BRWD1: variants seen among roughly 807,000 people sequenced by gnomAD.
BRWD1 encodes the protein bromodomain and WD repeat domain containing 1.
A neutral mutation model predicts 251.2 loss-of-function variants in BRWD1; 82 were observed. The ratio of observed to expected loss-of-function variants is 0.33; its 90% CI spans 0.27 to 0.39. The LOEUF (loss-of-function observed/expected upper bound fraction) is 0.39, where lower values mean the gene tolerates loss of function less well. BRWD1 is among the 10% of genes least tolerant of loss of function. The pLI is 1.00. For missense variants in BRWD1, 2,233 were observed against 2,711.6 expected, an observed-to-expected ratio of 0.82 and a Z score of 3.92; for synonymous variants, 918 against 902.8, an observed-to-expected ratio of 1.02 and a Z score of -0.30.
intron 31 of BRWD1, chr21:39,216,679 C>T: frequency 2.4e-6 from 1 of 412,774 alleles, no homozygotes; most frequent in Non-Finnish European, 4.8e-6. Flanking sequence ...TTTCTTGGGA[C>T]CTACAATAAA....
chr21:39,286,074 G>A (rs1205772557), intron 8 of BRWD1, among the ~76,000 whole-genome samples: 1 of 142,438 alleles, frequency 7.0e-6, no homozygotes, highest in Non-Finnish European at 1.5e-5. Context: ...GAGTGCAGTG[G>A]TGCGATCTCG....
rs2031448557 is a variant in BRWD1 at position 39,189,766 on chromosome 21, A to G, written c.*6493T>C. 1 of 983,900 alleles carries G rather than the reference A, an allele frequency of 1.0e-6. No homozygotes were observed. The highest frequency in any genetic ancestry group is 1.2e-6 in the Non-Finnish European group (1 of 828,534). The allele number at this position is 983,900 out of a possible 1,614,324, so 60.9% of individuals were successfully genotyped here. ...AAGTGCTTTTTCTCAAGAAAACTAC[A>G]AACAGTTTTAGAAATATATATAGGA... is the stretch of plus-strand genomic sequence containing the variant. On this transcript the variant is annotated 3_prime_UTR_variant, in exon 41 of 41. Coordinates refer to ENST00000342449, the MANE Select transcript of BRWD1 (RefSeq NM_033656.4).
intron 25 of BRWD1, among the ~76,000 whole-genome samples, chr21:39,229,964 C>T (rs933525537): frequency 2.5e-4 from 38 of 152,168 alleles, no homozygotes; most frequent in Admixed American, 2.5e-3. Flanking sequence ...GTCTCGAACT[C>T]CTGGGCTCAA....
intron 15 of BRWD1, among the ~76,000 whole-genome samples, chr21:39,267,502 G>A (rs927183588): frequency 6.6e-6 from 1 of 152,202 alleles, no homozygotes; most frequent in African/African-American, 2.4e-5. Context: ...GAGAGGCTGA[G>A]GCGGGAGAAT....
At chr21:39,276,098 G>A (rs1388550393) in intron 12 of BRWD1, 75 bp downstream of exon 12, 54 of 1,220,816 alleles carry the variant, frequency 4.4e-5, no homozygotes, top group Non-Finnish European at 5.9e-5. Context: ...CAAAATGACA[G>A]GTTAGCTATA....
chr21:39,214,414 C>A (rs1367809724), intron 32 of BRWD1, among the ~76,000 whole-genome samples: 1 of 151,924 alleles, frequency 6.6e-6, no homozygotes, highest in Non-Finnish European at 1.5e-5. Context: ...ATTAAATATA[C>A]TCTATAAAAT....
At chr21:39,264,319 A>C (rs1018294212) in intron 17 of BRWD1, 141 bp downstream of exon 17, 5 of 581,652 alleles carry the variant, frequency 8.6e-6, no homozygotes, top group Non-Finnish European at 1.4e-5. Context: ...GGTTCAAAAC[A>C]ATACACAGAA....
chr21:39,286,781 T>A (rs976158045), intron 8 of BRWD1, among the ~76,000 whole-genome samples: 1 of 152,192 alleles, frequency 6.6e-6, no homozygotes, highest in Non-Finnish European at 1.5e-5. Context: ...CCCAAAGTGC[T>A]AGGATTGCAG....
At chr21:39,269,512 T>C (rs566779795) in intron 15 of BRWD1, among the ~76,000 whole-genome samples, 39 of 152,272 alleles carry the variant, frequency 2.6e-4, no homozygotes, top group East Asian at 2.5e-3. Context: ...TTGGTTAATA[T>C]TGAATATTAA....
intron 40 of BRWD1, 133 bp from the exon 41 acceptor site, chr21:39,197,548 A>G: frequency 1.5e-6 from 1 of 680,530 alleles, no homozygotes. Context: ...GTACACACCT[A>G]TTAGTATAGT....
rs779941372 is a variant in BRWD1 at position 39,202,436 on chromosome 21, T to A, written c.4474A>T (p.Thr1492Ser). The A allele has an allele frequency of 2.4e-5, 39 of 1,613,960 alleles. No homozygotes were observed. Among genetic ancestry groups the A allele is most frequent in the Admixed American group, 5.0e-5 (3 of 60,000 alleles). Residue 1492 changes from threonine to serine, a missense_variant, in exon 38 of 41, where the codon ACA (threonine) becomes TCA (serine). By Grantham distance (58) the Thr-to-Ser change is moderately conservative. Around this residue, in one of 12 missense-constraint regions of BRWD1, gnomAD observed 928 missense variants for 970.0 expected, o/e 0.96. Coordinates refer to ENST00000342449, the MANE Select transcript of BRWD1 (RefSeq NM_033656.4). The stretch of plus-strand genomic sequence containing the variant: ...ACACCTGAAGAGATACCAGCACTTG[T>A]CTTGTGGGTTCCAAGATAAGCTGTC... ...SRTAYLGTHK[T>S]SAGISSGVTS...
Position 39,193,645 on chromosome 21 carries a change from T to G in BRWD1, c.*2614A>C. On this transcript the variant is annotated 3_prime_UTR_variant, in exon 41 of 41. Coordinates refer to ENST00000342449, the MANE Select transcript of BRWD1 (RefSeq NM_033656.4). ...ATACACCATTAAGTTGAACTTCAAG[T>G]GCAGTGGAAAGGTACAGCACTTATT... is the stretch of plus-strand genomic sequence containing the variant. 1.0e-6 allele frequency: 1 copy of G among 985,574 alleles called. No homozygotes were observed. The highest frequency in any genetic ancestry group is 4.7e-5 in the South Asian group (1 of 21,290). 61.1% of individuals were successfully genotyped at this position (985,574 alleles called of 1,614,324 possible).
In BRWD1 at chr21:39,255,880, C is replaced by G. The variant is rs564336765; in HGVS notation, c.2072-52G>C. On this transcript the variant is annotated intron_variant, in intron 18 of 40. Transcript: ENST00000342449. ...TCCAATACACTTTTAAACTAATATACATTTAGCATGTAACAAGCACACGTT... is the reference window on the plus strand; with the variant it reads ...TCCAATACACTTTTAAACTAATATAGATTTAGCATGTAACAAGCACACGTT... 462 of 1,513,710 alleles carry G rather than the reference C, an allele frequency of 3.1e-4. 5 individuals are homozygous for G. In the South Asian group the frequency reaches 4.0e-3, roughly 13 times the overall value. The allele number at this position is 1,513,710 out of a possible 1,614,324, so 93.8% of individuals were successfully genotyped here.
chr21:39,232,343 T>C (rs2033648379), intron 24 of BRWD1, 30 bp downstream of exon 24: 1 of 1,599,452 alleles, frequency 6.3e-7, no homozygotes, highest in Non-Finnish European at 8.5e-7. Context: ...ATGTTCCATA[T>C]TCGTGTTTTT....
Position 39,295,854 on chromosome 21 carries a change from T to G in BRWD1, c.498A>C (p.Thr166=), listed in dbSNP as rs371062576. The G allele has an allele frequency of 1.9e-5, 30 of 1,608,882 alleles. No homozygotes were observed. The highest frequency in any genetic ancestry group is 9.3e-6 in the Non-Finnish European group (11 of 1,176,954). ...GCTGATACATAGTTCCTGGAAATGC[T>G]GTACTAAAAGTGGAACACCCTGTGA... ...KQLTGCSTFS[T]AFPGTMYQHI... is the part of the protein sequence containing the mutation. The change falls in exon 7 of 41, where the codon ACA becomes ACC. Residue 166 remains threonine, a synonymous_variant. Coordinates refer to ENST00000342449, the MANE Select transcript of BRWD1 (RefSeq NM_033656.4).
At chr21:39,265,042 A>T (rs1359309965) in intron 15 of BRWD1, 23 bp from the exon 16 acceptor site, 1 of 1,607,534 alleles carries the variant, frequency 6.2e-7, no homozygotes, top group Admixed American at 1.7e-5. Flanking sequence ...AAAGGAAAAA[A>T]GTTAGGACCA....
intron 4 of BRWD1, among the ~76,000 whole-genome samples, chr21:39,304,493 A>G (rs1248609364): frequency 6.6e-6 from 1 of 152,010 alleles, no homozygotes; most frequent in African/African-American, 2.4e-5. Context: ...ATACACGTAT[A>G]GACTCAGCTA....
At chr21:39,302,165 G>A (rs1296423468) in intron 4 of BRWD1, among the ~76,000 whole-genome samples, 1 of 151,450 alleles carries the variant, frequency 6.6e-6, no homozygotes, top group Non-Finnish European at 1.5e-5. Context: ...TGTATTTTTA[G>A]TAGAGAAGGG....
chr21:39,313,969 G>C (rs1030780380), upstream of BRWD1: 2 of 392,780 alleles, frequency 5.1e-6, no homozygotes, highest in Non-Finnish European at 1.0e-5. Flanking sequence ...GCGGCCACAA[G>C]AGGGGGCGAT....
Sources: allele counts gnomAD v4.1 joint callset (sites outside exome capture counted in the v4.1 genomes callset), GRCh38; gene constraint gnomAD v4.1.1; regional missense constraint gnomAD v4.1.1; transcripts MANE v1.5; gene names NCBI Gene and HGNC (gene_info 2026-07-23, HGNC 2026-07-21).